The following CPNE8 variants were observed in gnomAD, a reference collection of about 807,000 sequenced individuals.
The protein encoded by CPNE8 is copine 8.
Under a neutral mutation model 81.5 loss-of-function variants are expected in CPNE8, and 45 were observed. That is an observed-to-expected ratio of 0.55 (90% CI 0.44 to 0.71). CPNE8 has a LOEUF of 0.71. CPNE8 is among the 30% of genes least tolerant of loss of function. The pLI is 0.00. For missense variants in CPNE8, 594 were observed against 672.1 expected (o/e 0.88, Z 1.28); for synonymous variants, 252 against 226.3 (o/e 1.11, Z -1.02).
At chr12:38,716,730 C>G (rs1471708712) in intron 13 of CPNE8, among the ~76,000 whole-genome samples, 6 of 151,946 alleles carry the variant, frequency 3.9e-5, no homozygotes, top group Admixed American at 3.9e-4. Flanking sequence ...TTGGCTTAGG[C>G]AAAGAATTCA....
intron 3 of CPNE8, among the ~76,000 whole-genome samples, chr12:38,860,925 C>T (rs1943822221): frequency 6.6e-6 from 1 of 152,136 alleles, no homozygotes; most frequent in Admixed American, 6.5e-5. Context: ...ATCTGCTGTA[C>T]AGCATGGTGC....
intron 19 of CPNE8, among the ~76,000 whole-genome samples, chr12:38,655,999 C>T (rs59872834): frequency 0.02 from 2,938 of 149,448 alleles, 95 homozygotes; most frequent in African/African-American, 0.068. Context: ...ACAATAAATG[C>T]GATCTTCCTT....
chr12:38,820,783 T>G (rs1943099617), intron 6 of CPNE8, among the ~76,000 whole-genome samples: 1 of 152,184 alleles, frequency 6.6e-6, no homozygotes. Context: ...TACTGGCACC[T>G]AAAACACATG....
intron 6 of CPNE8, among the ~76,000 whole-genome samples, chr12:38,778,687 A>G (rs529083958): frequency 3.0e-4 from 45 of 152,302 alleles, no homozygotes; most frequent in Admixed American, 8.5e-4. Context: ...AAGGTTTAGC[A>G]CTTAATTATT....
chr12:38,743,651 A>C (rs1461915551), intron 10 of CPNE8, among the ~76,000 whole-genome samples: 6 of 152,174 alleles, frequency 3.9e-5, no homozygotes, highest in Admixed American at 3.9e-4. Context: ...TACGTGCATA[A>C]GCAGGCTGGA....
intron 16 of CPNE8, among the ~76,000 whole-genome samples, chr12:38,678,152 A>C (rs1939334097): frequency 6.6e-6 from 1 of 152,018 alleles, no homozygotes. Flanking sequence ...TTATTATGAA[A>C]ATTTCACCTC....
intron 14 of CPNE8, among the ~76,000 whole-genome samples, chr12:38,699,943 T>C (rs1357982965): frequency 6.6e-6 from 1 of 152,172 alleles, no homozygotes. Flanking sequence ...TGAACTTATT[T>C]ATTGGTTATA....
intron 5 of CPNE8, among the ~76,000 whole-genome samples, chr12:38,834,369 C>G (rs368651934): frequency 8.5e-5 from 13 of 152,096 alleles, no homozygotes; most frequent in African/African-American, 2.9e-4. Context: ...TCCTCACCCC[C>G]CTGCCTCAAT....
chr12:38,798,972 A>C (rs1942582051), intron 6 of CPNE8, among the ~76,000 whole-genome samples: 1 of 152,214 alleles, frequency 6.6e-6, no homozygotes, highest in Admixed American at 6.5e-5. Flanking sequence ...ATAATGGTAA[A>C]GGGATCAATT....
intron 5 of CPNE8, among the ~76,000 whole-genome samples, chr12:38,831,653 A>T (rs1489256022): frequency 6.6e-6 from 1 of 152,240 alleles, no homozygotes; most frequent in African/African-American, 2.4e-5. Context: ...CCCATATTTA[A>T]ATTAAACACC....
intron 19 of CPNE8, among the ~76,000 whole-genome samples, chr12:38,660,933 G>T (rs1011861537): frequency 1.3e-5 from 2 of 152,152 alleles, no homozygotes; most frequent in Non-Finnish European, 2.9e-5. Flanking sequence ...AGTTAGAATG[G>T]CAATCATTAA....
intron 7 of CPNE8, among the ~76,000 whole-genome samples, chr12:38,770,591 C>T (rs1283850049): frequency 2.0e-5 from 3 of 152,188 alleles, no homozygotes; most frequent in Non-Finnish European, 2.9e-5. Context: ...AGGAAAAATG[C>T]AGAACCTTTA....
At chr12:38,806,177 A>G (rs1323402804) in intron 6 of CPNE8, among the ~76,000 whole-genome samples, 1 of 150,388 alleles carries the variant, frequency 6.6e-6, no homozygotes, top group Non-Finnish European at 1.5e-5. Context: ...CAGAGGCATG[A>G]GGAGGAACTG....
chr12:38,683,105 C>T (rs1939447872), intron 16 of CPNE8, among the ~76,000 whole-genome samples: 1 of 152,034 alleles, frequency 6.6e-6, no homozygotes. Flanking sequence ...ATTGTTACCT[C>T]ATTAATATTA....
At chr12:38,812,965 A>G (rs1046454413) in intron 6 of CPNE8, among the ~76,000 whole-genome samples, 3 of 152,208 alleles carry the variant, frequency 2.0e-5, no homozygotes, top group Non-Finnish European at 2.9e-5. Context: ...AAAATAGACT[A>G]AGAGAAGTAC....
chr12:38,702,997 A>AT, intron 13 of CPNE8, 76 bp from the exon 14 acceptor site: 1 of 1,013,566 alleles, frequency 9.9e-7, no homozygotes. Context: ...TTTCGGTTAT[A>AT]TTTTTTAATG....
At chr12:38,899,352 G>T (rs372284599) in intron 1 of CPNE8, among the ~76,000 whole-genome samples, 1 of 152,060 alleles carries the variant, frequency 6.6e-6, no homozygotes, top group Non-Finnish European at 1.5e-5. Flanking sequence ...CCATGTGAAA[G>T]TACAGTGAGA....
intron 6 of CPNE8, among the ~76,000 whole-genome samples, chr12:38,821,416 G>T (rs1249891256): frequency 6.6e-6 from 1 of 152,106 alleles, no homozygotes; most frequent in East Asian, 1.9e-4. Flanking sequence ...ACCAGAATCT[G>T]TCAGTAAATT....
At chr12:38,784,961 G>A (rs1942145045) in intron 6 of CPNE8, among the ~76,000 whole-genome samples, 1 of 152,158 alleles carries the variant, frequency 6.6e-6, no homozygotes, top group South Asian at 2.1e-4. Flanking sequence ...TTGGGAGGCT[G>A]AGGTGGGCAG....
Sources: gnomAD v4.1 joint callset for allele counts (sites outside exome capture counted in the v4.1 genomes callset) on GRCh38, gnomAD v4.1.1 for gene constraint, MANE v1.5 for transcripts, NCBI Gene and HGNC (gene_info 2026-07-23, HGNC 2026-07-21) for gene names.